SORCS3: variants seen among roughly 807,000 people sequenced by gnomAD.
SORCS3 encodes sortilin related VPS10 domain containing receptor 3.
In SORCS3, 57 loss-of-function variants were observed where a neutral mutation model predicts 146.3. The observed-to-expected ratio is 0.39, with a 90% CI of 0.31 to 0.49. The LOEUF is 0.49. Among genes scored for constraint, SORCS3 ranks in the 20% least tolerant of loss-of-function variants. The pLI is 0.92. For synonymous variants in SORCS3, 653 were observed against 618.5 expected (o/e 1.06, Z -0.83); for missense variants, 1,341 against 1,575.5 (o/e 0.85, Z 2.52).
intron 1 of SORCS3, among the ~76,000 whole-genome samples, chr10:104,772,221 G>A (rs1325191817): frequency 6.6e-6 from 1 of 152,064 alleles, no homozygotes; most frequent in Non-Finnish European, 1.5e-5. Context: ...CTGGTGGGGT[G>A]GTGGCAGGGG....
At chr10:105,195,971 A>G (rs1476215608) in intron 14 of SORCS3, among the ~76,000 whole-genome samples, 1 of 152,214 alleles carries the variant, frequency 6.6e-6, no homozygotes, top group Non-Finnish European at 1.5e-5. Flanking sequence ...GGGAAACACA[A>G]TATAAGAAAA....
At chr10:105,094,258 G>T (rs2055730440) in intron 6 of SORCS3, among the ~76,000 whole-genome samples, 1 of 152,156 alleles carries the variant, frequency 6.6e-6, no homozygotes, top group Admixed American at 6.5e-5. Flanking sequence ...TGATGTCATT[G>T]TTCTGTAACC....
intron 1 of SORCS3, among the ~76,000 whole-genome samples, chr10:104,746,040 G>T (rs1368878155): frequency 6.6e-6 from 1 of 151,950 alleles, no homozygotes; most frequent in African/African-American, 2.4e-5. Flanking sequence ...TTTGGGGGAA[G>T]AAATTATGAC....
chr10:105,041,913 T>C (rs2055340754), intron 4 of SORCS3, among the ~76,000 whole-genome samples: 1 of 152,156 alleles, frequency 6.6e-6, no homozygotes, highest in East Asian at 1.9e-4. Context: ...GGTGGAATTC[T>C]CATGATAAAC....
rs141030641 is a variant in SORCS3 at position 105,114,716 on chromosome 10, C to T, written c.1212+9201C>T. Among the ~76,000 whole-genome samples, 1,513 of 152,148 alleles carry T rather than the reference C, an allele frequency of 9.9e-3. 12 individuals are homozygous for T. Among genetic ancestry groups the T allele is most frequent in the Non-Finnish European group, 0.014 (960 of 67,992 alleles). On this transcript the variant is annotated intron_variant, in intron 7 of 26. Transcript: ENST00000369701. ...CCTGAACCTTTGTAAAGATGCCAAG[C>T]GGACAGGTAACACTGTGTAGATCCA...
At chr10:104,642,022 G>GGGGGGGCCGCC in intron 1 of SORCS3, 68 bp downstream of exon 1, 1 of 173,336 alleles carries the variant, frequency 5.8e-6, no homozygotes, top group Non-Finnish European at 1.1e-5. Context: ...GGGTGGGTGG[G>GGGGGGGCCGCC]AGCGAGGGAC....
At chr10:105,170,453 C>T (rs911130354) in intron 13 of SORCS3, among the ~76,000 whole-genome samples, 5 of 151,936 alleles carry the variant, frequency 3.3e-5, no homozygotes, top group Admixed American at 1.3e-4. Flanking sequence ...TGAATTTCCT[C>T]TTATAATAAC....
intron 5 of SORCS3, among the ~76,000 whole-genome samples, chr10:105,084,686 G>A (rs773137068): frequency 2.6e-5 from 4 of 151,856 alleles, no homozygotes; most frequent in Non-Finnish European, 5.9e-5. Context: ...GAGGCGCAGA[G>A]TGCAAGCAGC....
chr10:104,949,282 G>A (rs1175342079), intron 3 of SORCS3, among the ~76,000 whole-genome samples: 3 of 152,202 alleles, frequency 2.0e-5, no homozygotes, highest in African/African-American at 7.2e-5. Context: ...GGAGACATGA[G>A]TGGTGGAAGG....
intron 4 of SORCS3, among the ~76,000 whole-genome samples, chr10:104,987,322 T>A (rs2054968084): frequency 6.6e-6 from 1 of 151,192 alleles, no homozygotes; most frequent in Admixed American, 6.6e-5. Context: ...TTTGTGGGGC[T>A]TTTTTTTGCA....
chr10:104,786,578 G>A (rs1203742831), intron 1 of SORCS3, among the ~76,000 whole-genome samples: 8 of 81,330 alleles, frequency 9.8e-5, no homozygotes, highest in African/African-American at 3.5e-4. Context: ...AATAATAATA[G>A]TGATGATGAT....
At chr10:104,786,624 G>T (rs74371330) in intron 1 of SORCS3, among the ~76,000 whole-genome samples, 1 of 151,096 alleles carries the variant, frequency 6.6e-6, no homozygotes, top group South Asian at 2.1e-4. Context: ...AAAAAAAAAA[G>T]AAAATTAAAT....
At chr10:104,815,434 G>T (rs1032391908) in intron 1 of SORCS3, among the ~76,000 whole-genome samples, 1 of 112,326 alleles carries the variant, frequency 8.9e-6, no homozygotes, top group Non-Finnish European at 1.7e-5. Context: ...AGGTGACAGA[G>T]CCAGACCCTG....
At chr10:105,255,621 A>T (rs2056926774) in intron 23 of SORCS3, 81 bp from the exon 24 acceptor site, 1 of 907,682 alleles carries the variant, frequency 1.1e-6, no homozygotes, top group Non-Finnish European at 1.8e-6. Context: ...TTACCTATTG[A>T]CCTTGTCCTT....
At chr10:104,901,272 T>C (rs141490134) in intron 2 of SORCS3, among the ~76,000 whole-genome samples, 38 of 152,302 alleles carry the variant, frequency 2.5e-4, no homozygotes, top group Non-Finnish European at 5.0e-4. Flanking sequence ...GTTTTGCCCA[T>C]TTTATAGATG....
At chr10:104,723,197 T>C (rs1418031291) in intron 1 of SORCS3, among the ~76,000 whole-genome samples, 2 of 152,250 alleles carry the variant, frequency 1.3e-5, no homozygotes, top group African/African-American at 4.8e-5. Context: ...CTGGTTGATT[T>C]CAAAGAACAT....
At chr10:105,020,248 G>A (rs769706294) in intron 4 of SORCS3, among the ~76,000 whole-genome samples, 27 of 152,148 alleles carry the variant, frequency 1.8e-4, no homozygotes, top group African/African-American at 2.4e-4. Context: ...CATGGGACTC[G>A]TTCTTTATGG....
At chr10:104,740,415 C>G (rs563524989) in intron 1 of SORCS3, among the ~76,000 whole-genome samples, 1 of 152,280 alleles carries the variant, frequency 6.6e-6, no homozygotes, top group South Asian at 2.1e-4. Flanking sequence ...CTCACTTACT[C>G]CTCCTTCTGT....
chr10:104,821,923 G>C lies in SORCS3; in HGVS notation c.628-20869G>C, dbSNP rs368499324. ...TGAAGCAGAGCCAGGTACATAGTAG[G>C]TGCTGTGTACAAGGTTATTGGAATA... On this transcript the variant is annotated intron_variant, in intron 1 of 26. Transcript: ENST00000369701. Among the ~76,000 whole-genome samples the C allele has an allele frequency of 8.7e-4, 132 of 152,294 alleles. 3 individuals are homozygous for C. In the South Asian group the frequency reaches 0.026, roughly 30 times the overall value.
Sources: gnomAD v4.1 joint callset for allele counts (sites outside exome capture counted in the v4.1 genomes callset) on GRCh38, gnomAD v4.1.1 for gene constraint, MANE v1.5 for transcripts, NCBI Gene and HGNC (gene_info 2026-07-23, HGNC 2026-07-21) for gene names.